The following ADAMTS20 variants were observed in gnomAD, a reference collection of about 807,000 sequenced individuals.
ADAMTS20 encodes A disintegrin and metalloproteinase with thrombospondin motifs 20.
Under a neutral mutation model 260.1 loss-of-function variants are expected in ADAMTS20, and 225 were observed. The observed-to-expected ratio is 0.87, with a 90% CI of 0.78 to 0.97. ADAMTS20 has a LOEUF of 0.97. ADAMTS20 is among the 50% of genes least tolerant of loss of function. ADAMTS20 has a pLI of 0.00. For synonymous variants in ADAMTS20, 802 were observed against 769.5 expected (o/e 1.04, Z -0.70); for missense variants, 2,400 against 2,337.7 (o/e 1.03, Z -0.55).
intron 16 of ADAMTS20, among the ~76,000 whole-genome samples, chr12:43,442,872 G>A (rs564527756): frequency 7.2e-5 from 11 of 152,168 alleles, no homozygotes; most frequent in South Asian, 2.1e-4. Context: ...GTATATTCAC[G>A]ATGACGTACA....
chr12:43,519,577 T>A (rs772419605), intron 3 of ADAMTS20, among the ~76,000 whole-genome samples: 3 of 152,138 alleles, frequency 2.0e-5, no homozygotes, highest in Non-Finnish European at 2.9e-5. Context: ...TTATTCAATG[T>A]CCAACTCCAC....
intron 12 of ADAMTS20, 24 bp downstream of exon 12, chr12:43,453,883 T>C (rs1367430788): frequency 1.9e-6 from 3 of 1,568,750 alleles, no homozygotes; most frequent in African/African-American, 1.4e-5. Flanking sequence ...AATCTTAATT[T>C]ATAGTGACAT....
At chr12:43,452,173 AT>A (rs1174540519) in intron 14 of ADAMTS20, 100 bp downstream of exon 14, 1 of 1,248,468 alleles carries the variant, frequency 8.0e-7, no homozygotes, top group Non-Finnish European at 1.1e-6. Flanking sequence ...GCATAAGAAC[AT>A]ATGCTGAAAT....
At chr12:43,448,601 A>G (rs2137343913) in intron 14 of ADAMTS20, among the ~76,000 whole-genome samples, 1 of 152,330 alleles carries the variant, frequency 6.6e-6, no homozygotes, top group African/African-American at 2.4e-5. Context: ...CATGATGAAG[A>G]CACCGAAAGC....
rs368419833 is a variant in ADAMTS20, at chr12:43,421,282, C to CACACAAA, written c.4284+4231_4284+4232insTTTGTGT. Among the ~76,000 whole-genome samples the CACACAAA allele has an allele frequency of 6.5e-3, 768 of 118,872 alleles. 13 individuals are homozygous for CACACAAA. The highest frequency in any genetic ancestry group is 0.019 in the Middle Eastern group (4 of 216). 78.0% of individuals were successfully genotyped at this position (118,872 alleles called of 152,430 possible). On this transcript the variant is annotated intron_variant, in intron 28 of 38. Coordinates refer to ENST00000389420, the MANE Select transcript of ADAMTS20 (RefSeq NM_025003.5). ...GGTTCAAGTAGCAAGCTTTCATTTACAAAAAAAAAAAAAAAACTTTCTCTT... is the reference window on the plus strand; with the variant it reads ...GGTTCAAGTAGCAAGCTTTCATTTACACACAAAAAAAAAAAAAAAAAAACTTTCTCTT...
chr12:43,549,264 T>C (rs1261891005), intron 2 of ADAMTS20, among the ~76,000 whole-genome samples: 2 of 151,786 alleles, frequency 1.3e-5, no homozygotes, highest in Non-Finnish European at 2.9e-5. Context: ...TTAATATTAA[T>C]TTTTAGATAT....
intron 3 of ADAMTS20, among the ~76,000 whole-genome samples, chr12:43,512,617 G>A (rs1592104558): frequency 6.6e-6 from 1 of 151,844 alleles, no homozygotes; most frequent in Non-Finnish European, 1.5e-5. Context: ...GTTAATAATT[G>A]GGGCCCCAAC....
intron 28 of ADAMTS20, 108 bp downstream of exon 28, chr12:43,425,406 C>A (rs61925141): frequency 0.11 from 113,485 of 992,008 alleles, 7,273 homozygotes; most frequent in Admixed American, 0.21. Flanking sequence ...TGCACATGTA[C>A]CCCTGAATGT....
At chr12:43,414,937 C>T (rs1264733070) in intron 28 of ADAMTS20, among the ~76,000 whole-genome samples, 1 of 152,064 alleles carries the variant, frequency 6.6e-6, no homozygotes. Context: ...TGTTTGTCAA[C>T]TGAAGGATAA....
intron 3 of ADAMTS20, among the ~76,000 whole-genome samples, chr12:43,507,751 C>T (rs1333230790): frequency 2.0e-5 from 3 of 152,026 alleles, no homozygotes; most frequent in Admixed American, 6.6e-5. Flanking sequence ...AAATGCCCAT[C>T]GATGACAGAA....
At position 43,503,626 on chromosome 12, in the gene ADAMTS20, G is replaced by A. The variant is rs768551604; in HGVS notation, c.614-1221C>T. The stretch of plus-strand genomic sequence containing the variant: ...GCAGGTTTGTTCTGCAGGTAAACTC[G>A]TGTCATGGGAGTTTGGTGCACAGAT... On this transcript the variant is annotated intron_variant, in intron 3 of 38. Transcript: ENST00000389420. Among the ~76,000 whole-genome samples the A allele has an allele frequency of 1.1e-4, 17 of 151,920 alleles. No individual in the cohort carries two copies. The East Asian group carries it at 1.2e-3, about 10-fold the overall frequency.
At chr12:43,414,841 T>C (rs1167308010) in intron 28 of ADAMTS20, among the ~76,000 whole-genome samples, 1 of 151,936 alleles carries the variant, frequency 6.6e-6, no homozygotes, top group East Asian at 1.9e-4. Flanking sequence ...CCAACAGATA[T>C]GGATATACAT....
rs1941405556 is a variant in ADAMTS20 at position 43,429,785 on chromosome 12, T to G, written c.3382-61A>C. 13 of 1,075,352 alleles carry G rather than the reference T, an allele frequency of 1.2e-5. No individual in the cohort carries two copies. In the South Asian group the frequency reaches 2.1e-4, roughly 17 times the overall value. The allele number at this position is 1,075,352 out of a possible 1,614,324, so 66.6% of individuals were successfully genotyped here. ...ATTAATGACTGATTTATACAAAATC[T>G]AATACTTCACTTCTTCTGTATGTCT... On this transcript the variant is annotated intron_variant, in intron 23 of 38. Coordinates refer to ENST00000389420, the MANE Select transcript of ADAMTS20 (RefSeq NM_025003.5).
chr12:43,506,206 G>T (rs1942839485), intron 3 of ADAMTS20, among the ~76,000 whole-genome samples: 1 of 151,522 alleles, frequency 6.6e-6, no homozygotes, highest in South Asian at 2.1e-4. Flanking sequence ...GAACCTTGAA[G>T]TTATCATGCT....
intron 17 of ADAMTS20, 63 bp from the exon 18 acceptor site, chr12:43,439,814 A>T: frequency 3.2e-6 from 5 of 1,553,890 alleles, no homozygotes; most frequent in Non-Finnish European, 4.4e-6. Context: ...ACATCATTTT[A>T]TATTTGATAA....
intron 22 of ADAMTS20, among the ~76,000 whole-genome samples, chr12:43,430,864 A>G (rs962843929): frequency 6.6e-5 from 10 of 152,230 alleles, no homozygotes; most frequent in Non-Finnish European, 1.5e-4. Context: ...CAGCATATAA[A>G]GTTAAAGGGA....
At chr12:43,519,424 G>A (rs1259448387) in intron 3 of ADAMTS20, among the ~76,000 whole-genome samples, 1 of 151,966 alleles carries the variant, frequency 6.6e-6, no homozygotes, top group Non-Finnish European at 1.5e-5. Context: ...CAACAGTGAG[G>A]AAGGTATTCA....
intron 28 of ADAMTS20, 60 bp downstream of exon 28, chr12:43,425,454 C>T: frequency 1.5e-6 from 2 of 1,318,296 alleles, no homozygotes; most frequent in Non-Finnish European, 2.0e-6. Flanking sequence ...AATGAACTCT[C>T]CCTCACTCAG....
chr12:43,371,927 T>G (rs887762419), intron 36 of ADAMTS20, among the ~76,000 whole-genome samples: 1 of 152,232 alleles, frequency 6.6e-6, no homozygotes, highest in Admixed American at 6.5e-5. Flanking sequence ...AAGATGTTGC[T>G]AGGTTTTAGC....
Sources: allele counts gnomAD v4.1 joint callset (sites outside exome capture counted in the v4.1 genomes callset), GRCh38; gene constraint gnomAD v4.1.1; transcripts MANE v1.5; gene names NCBI Gene and HGNC (gene_info 2026-07-23, HGNC 2026-07-21).